The following PRKAR2B variants were observed in gnomAD, a reference collection of about 807,000 sequenced individuals.
The protein encoded by PRKAR2B is protein kinase cAMP-dependent type II regulatory subunit beta, also known as cAMP-dependent protein kinase type II-beta regulatory subunit.
In PRKAR2B, 14 loss-of-function variants were observed where a neutral mutation model predicts 49.9. The observed-to-expected ratio is 0.28, with a 90% CI of 0.19 to 0.44. PRKAR2B has a LOEUF of 0.44. Ranked by LOEUF, PRKAR2B falls within the 20% of genes least tolerant of loss-of-function variation. The probability of loss-of-function intolerance (pLI) is 1.00; values close to 1 mark genes in which losing one functional copy is unlikely to be tolerated. For missense variants in PRKAR2B, 393 were observed against 537.9 expected (o/e 0.73, Z 2.67); for synonymous variants, 196 against 197.7 (o/e 0.99, Z 0.07).
chr7:107,135,341 A>G lies in PRKAR2B; in HGVS notation c.481-5506A>G, dbSNP rs571286983. Among the ~76,000 whole-genome samples, 259 of 152,310 alleles carry G rather than the reference A, an allele frequency of 1.7e-3. 1 individual carries two copies. The highest frequency in any genetic ancestry group is 5.9e-3 in the African/African-American group (244 of 41,584). ...GTGAATTTCACCTCAACAAATTTGTAGTTCCCTCTCACCACTCCTTTTCAA... is the reference window on the plus strand; with the variant it reads ...GTGAATTTCACCTCAACAAATTTGTGGTTCCCTCTCACCACTCCTTTTCAA... On this transcript the variant is annotated intron_variant, in intron 4 of 10. Transcript: ENST00000265717.
intron 10 of PRKAR2B, among the ~76,000 whole-genome samples, chr7:107,159,118 G>A (rs192104414): frequency 3.6e-4 from 55 of 152,288 alleles, no homozygotes; most frequent in African/African-American, 1.3e-3. Context: ...CATTGCTAAG[G>A]TGGAGACAGC....
chr7:107,128,365 G>T, intron 4 of PRKAR2B, 70 bp downstream of exon 4: 1 of 1,210,192 alleles, frequency 8.3e-7, no homozygotes, highest in African/African-American at 1.5e-5. Context: ...AACTGTACAG[G>T]GTCTTGAGTT....
intron 1 of PRKAR2B, among the ~76,000 whole-genome samples, chr7:107,048,838 A>G (rs372615931): frequency 1.3e-5 from 2 of 152,068 alleles, no homozygotes; most frequent in East Asian, 3.9e-4. Context: ...TCCATTTGCT[A>G]TCAATTCTGG....
intron 4 of PRKAR2B, among the ~76,000 whole-genome samples, chr7:107,129,914 C>T (rs917746430): frequency 6.6e-6 from 1 of 152,146 alleles, no homozygotes; most frequent in Non-Finnish European, 1.5e-5. Context: ...TGGGTTTTGG[C>T]TGGCTTCTTG....
intron 2 of PRKAR2B, among the ~76,000 whole-genome samples, chr7:107,112,891 G>C (rs915356797): frequency 4.6e-5 from 7 of 152,046 alleles, no homozygotes; most frequent in African/African-American, 1.7e-4. Context: ...ATAATCAGTA[G>C]AGAGGCTTGA....
intron 2 of PRKAR2B, 27 bp downstream of exon 2, chr7:107,070,343 G>T (rs1218111173): frequency 1.5e-5 from 23 of 1,568,956 alleles, no homozygotes; most frequent in Non-Finnish European, 2.0e-5. Flanking sequence ...TATGGATTTT[G>T]TTTATTAATG....
chr7:107,066,301 G>GGGGGGGTGTGT (rs147673007), intron 1 of PRKAR2B, among the ~76,000 whole-genome samples: 72 of 145,600 alleles, frequency 4.9e-4, no homozygotes, highest in African/African-American at 1.4e-3. Context: ...CTCTATGTGG[G>GGGGGGGTGTGT]GTGTGTGTGT....
chr7:107,157,475 A>C (rs1185734583), intron 10 of PRKAR2B, 151 bp downstream of exon 10: 2 of 1,044,506 alleles, frequency 1.9e-6, no homozygotes, highest in Non-Finnish European at 2.6e-6. Context: ...TTATAAAATC[A>C]ATTTGTGGAA....
Position 107,161,182 on chromosome 7 carries a change from C to T in PRKAR2B, c.*1600C>T, listed in dbSNP as rs1192320299. 6.6e-6 allele frequency: 1 copy of T among 152,076 alleles called. No individual in the cohort carries two copies. Among genetic ancestry groups the T allele is most frequent in the African/African-American group, 2.4e-5 (1 of 41,414 alleles). 9.4% of individuals were successfully genotyped at this position (152,076 alleles called of 1,614,324 possible). On this transcript the variant is annotated 3_prime_UTR_variant, in exon 11 of 11. Coordinates refer to ENST00000265717, the MANE Select transcript of PRKAR2B (RefSeq NM_002736.3). Reference sequence around the variant, plus strand: ...TTTAGAACACTGTTTAACATTTTTGCAAAACCTTCTTGTAGGAAAAGAGAG... The same window carrying T: ...TTTAGAACACTGTTTAACATTTTTGTAAAACCTTCTTGTAGGAAAAGAGAG...
intron 4 of PRKAR2B, among the ~76,000 whole-genome samples, chr7:107,137,688 T>A (rs757606626): frequency 1.4e-4 from 21 of 152,202 alleles, no homozygotes; most frequent in Non-Finnish European, 3.1e-4. Flanking sequence ...ATGCCTCTTT[T>A]CCCACACGGT....
chr7:107,118,854 T>G (rs890160974), intron 2 of PRKAR2B, among the ~76,000 whole-genome samples: 4 of 152,198 alleles, frequency 2.6e-5, no homozygotes, highest in African/African-American at 9.7e-5. Context: ...TTTACAGAAC[T>G]GCAAATACTT....
At chr7:107,092,675 T>C (rs1002607116) in intron 2 of PRKAR2B, among the ~76,000 whole-genome samples, 6 of 152,156 alleles carry the variant, frequency 3.9e-5, no homozygotes, top group African/African-American at 7.2e-5. Context: ...CACATACTTA[T>C]TTAAAATTTA....
intron 2 of PRKAR2B, among the ~76,000 whole-genome samples, chr7:107,076,551 C>T (rs1035231698): frequency 1.3e-5 from 2 of 151,990 alleles, no homozygotes; most frequent in Non-Finnish European, 2.9e-5. Context: ...TTCAGTATGC[C>T]CCACCGACGT....
chr7:107,072,006 T>G (rs943948657), intron 2 of PRKAR2B, among the ~76,000 whole-genome samples: 2 of 151,302 alleles, frequency 1.3e-5, no homozygotes, highest in Non-Finnish European at 2.9e-5. Context: ...AAGGCGGAGC[T>G]TGCAGTGAGC....
intron 3 of PRKAR2B, 30 bp from the exon 4 acceptor site, chr7:107,128,170 ATTGGCTAATGTC>A: frequency 7.9e-7 from 1 of 1,271,150 alleles, no homozygotes; most frequent in Non-Finnish European, 1.1e-6. Flanking sequence ...GTGAGATGGT[ATTGGCTAATGTC>A]TTTGTTTTTT....
At position 107,157,241 on chromosome 7, in the gene PRKAR2B, G is replaced by A; in HGVS notation, c.1040G>A (p.Gly347Glu). The A allele has an allele frequency of 6.2e-7, 1 of 1,614,228 alleles. No homozygotes were observed. Among genetic ancestry groups the A allele is most frequent in the Non-Finnish European group, 8.5e-7 (1 of 1,180,044 alleles). The change falls in exon 10 of 11, where the codon GGA becomes GAA. Residue 347 changes from glycine (G) to glutamate (E), a missense_variant. This residue lies in a region of PRKAR2B where 233 missense variants were observed against 390.4 expected (regional missense o/e 0.60). Coordinates refer to ENST00000265717, the MANE Select transcript of PRKAR2B (RefSeq NM_002736.3). ...GAVEIARCSR[G>E]QYFGELALVT... Reference sequence around the variant, plus strand: ...GTAGAAATCGCTCGATGCTCGCGGGGACAGTACTTTGGAGAGCTTGCCCTG... The same window carrying A: ...GTAGAAATCGCTCGATGCTCGCGGGAACAGTACTTTGGAGAGCTTGCCCTG...
rs550122209 is a variant in PRKAR2B, at chr7:107,160,841, C to T, written c.*1259C>T. ...TAGATTTTCATTGTTCATTGATATG[C>T]TCAGTATGCTGCCACATAAGATGAA... On this transcript the variant is annotated 3_prime_UTR_variant, in exon 11 of 11. Transcript: ENST00000265717. 6.6e-6 allele frequency: 1 copy of T among 152,258 alleles called. No homozygotes were observed. Among genetic ancestry groups the T allele is most frequent in the East Asian group, 1.9e-4 (1 of 5,190 alleles). 9.4% of individuals were successfully genotyped at this position (152,258 alleles called of 1,614,324 possible).
chr7:107,136,448 T>C (rs1795703326), intron 4 of PRKAR2B, among the ~76,000 whole-genome samples: 1 of 152,058 alleles, frequency 6.6e-6, no homozygotes, highest in Non-Finnish European at 1.5e-5. Context: ...ATCCAAAATA[T>C]ACAAAGAACT....
chr7:107,126,648 C>T (rs996713249), intron 3 of PRKAR2B, among the ~76,000 whole-genome samples: 1 of 152,084 alleles, frequency 6.6e-6, no homozygotes, highest in African/African-American at 2.4e-5. Flanking sequence ...GCAGACATCT[C>T]GGTTGCTTTG....
Sources: allele counts gnomAD v4.1 joint callset (sites outside exome capture counted in the v4.1 genomes callset), GRCh38; gene constraint gnomAD v4.1.1; regional missense constraint gnomAD v4.1.1; transcripts MANE v1.5; gene names NCBI Gene and HGNC (gene_info 2026-07-23, HGNC 2026-07-21).